FRMD6: variants seen among roughly 807,000 people sequenced by gnomAD.
The protein encoded by FRMD6 is FERM domain containing 6.
FRMD6 carries 37 observed loss-of-function variants against 73.2 expected under a neutral mutation model. The observed-to-expected ratio is 0.51, with a 90% CI of 0.39 to 0.66. The LOEUF is 0.66. Ranked by LOEUF, FRMD6 falls within the 30% of genes least tolerant of loss-of-function variation. The pLI is 0.00. For missense variants in FRMD6, 714 were observed against 780.5 expected (o/e 0.91, Z 1.02); for synonymous variants, 273 against 282.2 (o/e 0.97, Z 0.33).
chr14:51,645,031 G>A (rs1055906033), intron 2 of FRMD6, among the ~76,000 whole-genome samples: 1 of 152,156 alleles, frequency 6.6e-6, no homozygotes, highest in Non-Finnish European at 1.5e-5. Context: ...CTAATTAGCA[G>A]TGTTCTTTCC....
the FRMD6 span, among the ~76,000 whole-genome samples, chr14:51,397,820 TA>T: frequency 6.6e-6 from 1 of 152,206 alleles, no homozygotes; most frequent in African/African-American, 2.4e-5. Context: ...TGTATAAAAT[TA>T]TCTTTAGGCA....
At chr14:51,698,093 G>A in intron 2 of FRMD6, 49 bp from the exon 3 acceptor site, 4 of 1,374,756 alleles carry the variant, frequency 2.9e-6, no homozygotes, top group Non-Finnish European at 4.1e-6. Context: ...GGCTCCCTGG[G>A]TGGACTTAGT....
the FRMD6 span, among the ~76,000 whole-genome samples, chr14:51,477,092 A>T: frequency 6.6e-6 from 1 of 152,248 alleles, no homozygotes; most frequent in South Asian, 2.1e-4. Context: ...ATGGCAGAAG[A>T]AAACTTTCCT....
intron 1 of FRMD6, among the ~76,000 whole-genome samples, chr14:51,515,671 A>T (rs1283048965): frequency 6.6e-6 from 1 of 152,224 alleles, no homozygotes; most frequent in Non-Finnish European, 1.5e-5. Flanking sequence ...ATTTCTGGGA[A>T]TAAACAGCTA....
chr14:51,658,639 C>G (rs1462559374), intron 1 of FRMD6, among the ~76,000 whole-genome samples: 1 of 152,148 alleles, frequency 6.6e-6, no homozygotes, highest in Non-Finnish European at 1.5e-5. Context: ...CAATCTTTGT[C>G]TACTGAGAGC....
chr14:51,510,423 G>C (rs1428140631), intron 1 of FRMD6, among the ~76,000 whole-genome samples: 1 of 151,808 alleles, frequency 6.6e-6, no homozygotes, highest in African/African-American at 2.4e-5. Flanking sequence ...CAATATTTCC[G>C]TGATTTTTTT....
At chr14:51,705,496 GTC>G (rs527701683) in intron 6 of FRMD6, among the ~76,000 whole-genome samples, 51 of 152,056 alleles carry the variant, frequency 3.4e-4, no homozygotes, top group African/African-American at 1.2e-3. Context: ...TGTATTTTCT[GTC>G]TCTCTTCTAT....
intron 2 of FRMD6, among the ~76,000 whole-genome samples, chr14:51,594,846 C>T (rs556433903): frequency 6.6e-6 from 1 of 152,302 alleles, no homozygotes; most frequent in South Asian, 2.1e-4. Flanking sequence ...CAGGAAGAGT[C>T]CCTGTTATTT....
the FRMD6 span, among the ~76,000 whole-genome samples, chr14:51,483,544 T>C: frequency 6.6e-6 from 1 of 152,160 alleles, no homozygotes; most frequent in Non-Finnish European, 1.5e-5. Context: ...AGCTTGGCAA[T>C]GTGCAGGAAC....
In FRMD6 at chr14:51,630,478, A is replaced by C. The variant is rs543038719; in HGVS notation, c.-146-59213A>C. ...AGAAGAAACATTTTAGGTTGAGTGC[A>C]GTGGCTCATGCCTGAAATGCCAGCA... On this transcript the variant is annotated intron_variant, in intron 2 of 14. Transcript: ENST00000356218. Among the ~76,000 whole-genome samples the C allele has an allele frequency of 3.7e-4, 57 of 152,340 alleles. No homozygotes were observed. The East Asian group carries it at 8.7e-3, about 23-fold the overall frequency.
At chr14:51,675,327 T>C (rs552793261) in intron 1 of FRMD6, among the ~76,000 whole-genome samples, 2 of 152,178 alleles carry the variant, frequency 1.3e-5, no homozygotes, top group East Asian at 3.9e-4. Flanking sequence ...AGAAGGCACC[T>C]TGGTCTCCTT....
chr14:51,646,331 A>C (rs969908972), intron 2 of FRMD6, among the ~76,000 whole-genome samples: 2 of 151,036 alleles, frequency 1.3e-5, no homozygotes, highest in Non-Finnish European at 3.0e-5. Context: ...AAAAAAAAAA[A>C]AAAAAAAAAA....
intron 1 of FRMD6, chr14:51,547,876 G>T (rs1224632936): frequency 2.7e-5 from 4 of 146,514 alleles, no homozygotes; most frequent in African/African-American, 1.0e-4. Flanking sequence ...TTGGCACCCT[G>T]TGTGGCCCTG....
At chr14:51,496,519 T>C (rs1034300732) in intron 1 of FRMD6, among the ~76,000 whole-genome samples, 1 of 152,196 alleles carries the variant, frequency 6.6e-6, no homozygotes, top group Non-Finnish European at 1.5e-5. Context: ...GATTTTCTTA[T>C]AGGCTTTAGG....
At chr14:51,705,980 G>A (rs1896603316) in intron 6 of FRMD6, among the ~76,000 whole-genome samples, 2 of 151,958 alleles carry the variant, frequency 1.3e-5, no homozygotes. Flanking sequence ...TCCCAAATCT[G>A]GTTTTTTCCC....
rs896393956 is a variant in FRMD6, at chr14:51,570,084, G to C, written c.-209-264G>C. On this transcript the variant is annotated intron_variant, in intron 1 of 14. Transcript: ENST00000356218. ...CCCACCTTGGCCTCCCAAAGTGCTG[G>C]GATTACAGACGTGAGCCACTGCGCC... Among the ~76,000 whole-genome samples the C allele has an allele frequency of 2.0e-5, 3 of 152,204 alleles. No homozygotes were observed. The East Asian group carries it at 5.8e-4, about 29-fold the overall frequency.
chr14:51,698,347 C>T, intron 3 of FRMD6, 115 bp downstream of exon 3: 1 of 544,294 alleles, frequency 1.8e-6, no homozygotes, highest in Non-Finnish European at 3.2e-6. Context: ...GTCAAAATAC[C>T]CATGGACTGA....
At chr14:51,584,862 T>G (rs567948922) in intron 2 of FRMD6, among the ~76,000 whole-genome samples, 4 of 152,302 alleles carry the variant, frequency 2.6e-5, no homozygotes, top group Admixed American at 2.6e-4. Context: ...TCTACAACGC[T>G]TCTGTGACTT....
chr14:51,548,874 G>A (rs1405278339), intron 1 of FRMD6, among the ~76,000 whole-genome samples: 1 of 152,198 alleles, frequency 6.6e-6, no homozygotes, highest in African/African-American at 2.4e-5. Context: ...GAGCTAATTA[G>A]AGATGGAAAA....
Sources: allele counts gnomAD v4.1 joint callset (sites outside exome capture counted in the v4.1 genomes callset), GRCh38; gene constraint gnomAD v4.1.1; transcripts MANE v1.5; gene names NCBI Gene and HGNC (gene_info 2026-07-23, HGNC 2026-07-21).